GRIN2B: variants seen among roughly 807,000 people sequenced by gnomAD.
GRIN2B encodes the protein glutamate receptor ionotropic, NMDA 2B.
GRIN2B carries 5 observed loss-of-function variants against 114.5 expected under a neutral mutation model. The observed-to-expected ratio is 0.04, with a 90% CI of 0.02 to 0.09. The LOEUF (loss-of-function observed/expected upper bound fraction) is 0.09, where lower values mean the gene tolerates loss of function less well. GRIN2B is among the 10% of genes least tolerant of loss of function. The pLI, the probability that GRIN2B is intolerant of heterozygous loss-of-function variation, is 1.00. For synonymous variants in GRIN2B, 787 were observed against 745.1 expected, an observed-to-expected ratio of 1.06 and a Z score of -0.92; for missense variants, 1,108 against 1,943.5, an observed-to-expected ratio of 0.57 and a Z score of 8.08.
At chr12:13,605,691 G>C (rs1410867323) in intron 10 of GRIN2B, among the ~76,000 whole-genome samples, 1 of 151,952 alleles carries the variant, frequency 6.6e-6, no homozygotes. Context: ...AAGAAGCCTA[G>C]AAATGGTACT....
intron 3 of GRIN2B, among the ~76,000 whole-genome samples, chr12:13,767,733 A>G (rs1187285075): frequency 6.6e-6 from 1 of 152,220 alleles, no homozygotes; most frequent in African/African-American, 2.4e-5. Flanking sequence ...CACAGATGAA[A>G]GATATCTTGG....
chr12:13,929,941 T>C (rs1866993788), intron 2 of GRIN2B, among the ~76,000 whole-genome samples: 1 of 152,108 alleles, frequency 6.6e-6, no homozygotes, highest in Non-Finnish European at 1.5e-5. Context: ...ATCTCAGCAC[T>C]TTGGGAGGCT....
At chr12:13,583,678 A>G (rs191382386) in intron 10 of GRIN2B, among the ~76,000 whole-genome samples, 5 of 152,152 alleles carry the variant, frequency 3.3e-5, no homozygotes, top group Non-Finnish European at 5.9e-5. Flanking sequence ...GATGGAGCCA[A>G]CTCCTCCAGA....
chr12:13,691,480 G>C (rs1320384588), intron 4 of GRIN2B, among the ~76,000 whole-genome samples: 1 of 152,166 alleles, frequency 6.6e-6, no homozygotes, highest in Non-Finnish European at 1.5e-5. Flanking sequence ...CCACTTGCTT[G>C]AATTCCCTCA....
At chr12:13,622,648 G>A (rs952021178) in intron 5 of GRIN2B, among the ~76,000 whole-genome samples, 1 of 151,926 alleles carries the variant, frequency 6.6e-6, no homozygotes, top group African/African-American at 2.4e-5. Context: ...CTAGAGGCTG[G>A]GAAGTCCAAT....
At chr12:13,848,332 A>G (rs1465016334) in intron 3 of GRIN2B, among the ~76,000 whole-genome samples, 1 of 152,114 alleles carries the variant, frequency 6.6e-6, no homozygotes, top group Non-Finnish European at 1.5e-5. Context: ...ACAGACTGAA[A>G]GGAGGAAATT....
intron 3 of GRIN2B, among the ~76,000 whole-genome samples, chr12:13,773,386 T>C (rs1195762575): frequency 6.6e-6 from 1 of 152,184 alleles, no homozygotes; most frequent in East Asian, 1.9e-4. Context: ...TACGCATCTG[T>C]CAAATACACA....
At chr12:13,577,874 G>A (rs375204797) in intron 10 of GRIN2B, among the ~76,000 whole-genome samples, 1 of 152,130 alleles carries the variant, frequency 6.6e-6, no homozygotes, top group African/African-American at 2.4e-5. Flanking sequence ...CATTCATTCA[G>A]TTTTTCATCC....
intron 3 of GRIN2B, among the ~76,000 whole-genome samples, chr12:13,813,678 G>A (rs2136686532): frequency 6.6e-6 from 1 of 152,308 alleles, no homozygotes; most frequent in South Asian, 2.1e-4. Flanking sequence ...CATTTATACA[G>A]GACTTAGACC....
intron 2 of GRIN2B, among the ~76,000 whole-genome samples, chr12:13,946,225 C>T (rs766175469): frequency 4.6e-5 from 7 of 152,108 alleles, no homozygotes; most frequent in Non-Finnish European, 1.0e-4. Flanking sequence ...TTTCATTCAT[C>T]ATAATCTAAA....
chr12:13,832,746 A>G (rs1328107311), intron 3 of GRIN2B, among the ~76,000 whole-genome samples: 2 of 152,224 alleles, frequency 1.3e-5, no homozygotes, highest in East Asian at 3.8e-4. Flanking sequence ...CACCGTGATA[A>G]CTAATGCTAT....
At chr12:13,605,556 C>CTCTCTCTG (rs1391827852) in intron 10 of GRIN2B, among the ~76,000 whole-genome samples, 8 of 148,848 alleles carry the variant, frequency 5.4e-5, no homozygotes, top group African/African-American at 2.0e-4. Context: ...CTCTCTGACA[C>CTCTCTCTG]ACACACACAC....
At chr12:13,624,860 C>T (rs751711767) in intron 5 of GRIN2B, among the ~76,000 whole-genome samples, 1 of 152,224 alleles carries the variant, frequency 6.6e-6, no homozygotes, top group Non-Finnish European at 1.5e-5. Context: ...AGGCACTGCC[C>T]TCTGAGTGAC....
At chr12:13,634,365 A>G (rs1330763775) in intron 5 of GRIN2B, 1 of 152,226 alleles carries the variant, frequency 6.6e-6, no homozygotes, top group African/African-American at 2.4e-5. Context: ...TAATTCCAAC[A>G]CAATAGAATT....
intron 2 of GRIN2B, among the ~76,000 whole-genome samples, chr12:13,907,472 A>G (rs377726823): frequency 1.5e-4 from 22 of 151,556 alleles, no homozygotes; most frequent in African/African-American, 4.6e-4. Flanking sequence ...AGCCTAGGCA[A>G]CAGAGTGAGA....
intron 5 of GRIN2B, among the ~76,000 whole-genome samples, chr12:13,661,190 C>G (rs1949919325): frequency 6.6e-6 from 1 of 152,164 alleles, no homozygotes; most frequent in Non-Finnish European, 1.5e-5. Context: ...CACTCCAATT[C>G]TCTGTAAAGC....
intron 10 of GRIN2B, among the ~76,000 whole-genome samples, chr12:13,574,877 C>T (rs965358306): frequency 6.6e-6 from 1 of 152,130 alleles, no homozygotes; most frequent in African/African-American, 2.4e-5. Flanking sequence ...GTGGCATTAG[C>T]GTACAGTCAG....
intron 3 of GRIN2B, among the ~76,000 whole-genome samples, chr12:13,780,155 C>T (rs968166792): frequency 2.0e-5 from 3 of 152,108 alleles, no homozygotes; most frequent in African/African-American, 7.2e-5. Flanking sequence ...CTAGATGATA[C>T]CTTTCCTGGC....
chr12:13,746,890 C>A (rs1863395391), intron 4 of GRIN2B, among the ~76,000 whole-genome samples: 1 of 152,206 alleles, frequency 6.6e-6, no homozygotes, highest in Non-Finnish European at 1.5e-5. Context: ...CACCTTCCAC[C>A]ATGAGTGGAA....
Sources: gnomAD v4.1 joint callset for allele counts (sites outside exome capture counted in the v4.1 genomes callset) on GRCh38, gnomAD v4.1.1 for gene constraint, MANE v1.5 for transcripts, NCBI Gene and HGNC (gene_info 2026-07-23, HGNC 2026-07-21) for gene names.